CDK14: variants seen among roughly 807,000 people sequenced by gnomAD.
CDK14 encodes the protein cyclin dependent kinase 14.
CDK14 carries 34 observed loss-of-function variants against 60.7 expected under a neutral mutation model. The observed-to-expected ratio is 0.56, with a 90% CI of 0.43 to 0.75. CDK14 has a LOEUF of 0.75. CDK14 is among the 30% of genes least tolerant of loss of function. CDK14 has a pLI of 0.00. For missense variants in CDK14, 482 were observed against 564.1 expected (o/e 0.85, Z 1.47); for synonymous variants, 197 against 203.7 (o/e 0.97, Z 0.28).
At chr7:90,648,923 G>C (rs1488919686) in intron 2 of CDK14, among the ~76,000 whole-genome samples, 1 of 152,142 alleles carries the variant, frequency 6.6e-6, no homozygotes, top group Non-Finnish European at 1.5e-5. Flanking sequence ...TGAGGGTTAG[G>C]TTCTTGGAAA....
chr7:90,732,190 C>T (rs533045846), intron 3 of CDK14, among the ~76,000 whole-genome samples: 8 of 152,058 alleles, frequency 5.3e-5, no homozygotes, highest in Non-Finnish European at 8.8e-5. Context: ...GGGATGAAGC[C>T]GACTTGATCA....
intron 10 of CDK14, among the ~76,000 whole-genome samples, chr7:91,002,217 T>A (rs949319609): frequency 3.3e-5 from 5 of 152,116 alleles, no homozygotes; most frequent in African/African-American, 1.2e-4. Flanking sequence ...CTCCTTAGAG[T>A]GTCTCCAAGA....
intron 2 of CDK14, among the ~76,000 whole-genome samples, chr7:90,622,838 T>G (rs554620015): frequency 1.3e-5 from 2 of 152,110 alleles, no homozygotes; most frequent in Non-Finnish European, 2.9e-5. Context: ...TACTGTCCCA[T>G]CTTATCTCAG....
chr7:90,636,082 A>T (rs1360292601), intron 2 of CDK14, among the ~76,000 whole-genome samples: 3 of 149,984 alleles, frequency 2.0e-5, no homozygotes, highest in African/African-American at 7.5e-5. Context: ...ATCTGCAAAC[A>T]GGGACAATTT....
chr7:91,021,077 A>G lies in CDK14; in HGVS notation c.1042-24820A>G, dbSNP rs141019925. On this transcript the variant is annotated intron_variant, in intron 10 of 14. Coordinates refer to ENST00000380050, the MANE Select transcript of CDK14 (RefSeq NM_001287135.2). ...CACGGCAACTTGCTCCTTCAAAGCC[A>G]GTAAAAGATTTTCTCTCTCTAGTCT... Among the ~76,000 whole-genome samples, 828 of 152,354 alleles carry G rather than the reference A, an allele frequency of 5.4e-3. 5 individuals carry two copies. The highest frequency in any genetic ancestry group is 9.7e-3 in the Non-Finnish European group (661 of 68,028).
intron 14 of CDK14, among the ~76,000 whole-genome samples, chr7:91,206,488 C>T (rs17259383): frequency 1.3e-5 from 2 of 152,272 alleles, no homozygotes; most frequent in East Asian, 3.9e-4. Context: ...ATCCTGGAGA[C>T]TCAATGAAAA....
intron 10 of CDK14, among the ~76,000 whole-genome samples, chr7:91,015,403 C>T (rs1422403110): frequency 6.6e-6 from 1 of 152,036 alleles, no homozygotes; most frequent in Non-Finnish European, 1.5e-5. Context: ...ATTGTACTTA[C>T]CCTATATGCC....
chr7:90,876,910 G>C (rs1707709932), intron 6 of CDK14, among the ~76,000 whole-genome samples: 1 of 152,128 alleles, frequency 6.6e-6, no homozygotes, highest in African/African-American at 2.4e-5. Context: ...TGGGAGTGAA[G>C]GTATTTTAAT....
At chr7:90,996,342 G>A (rs1795680845) in intron 10 of CDK14, among the ~76,000 whole-genome samples, 1 of 152,076 alleles carries the variant, frequency 6.6e-6, no homozygotes, top group Non-Finnish European at 1.5e-5. Flanking sequence ...TAATCTTTTA[G>A]TGAGGCATGA....
intron 2 of CDK14, among the ~76,000 whole-genome samples, chr7:90,670,593 A>C (rs1040908926): frequency 1.4e-4 from 21 of 152,156 alleles, no homozygotes; most frequent in Admixed American, 1.2e-3. Flanking sequence ...ACTTTTATTC[A>C]TGGCAGAAGG....
chr7:91,027,122 C>G (rs1170675059), intron 10 of CDK14, among the ~76,000 whole-genome samples: 1 of 152,150 alleles, frequency 6.6e-6, no homozygotes, highest in African/African-American at 2.4e-5. Context: ...TCATGTATAA[C>G]CCACAATACG....
At chr7:90,687,205 G>C (rs183652982) in intron 2 of CDK14, among the ~76,000 whole-genome samples, 153 of 152,236 alleles carry the variant, frequency 1.0e-3, no homozygotes, top group African/African-American at 3.4e-3. Context: ...ATGTAAACAT[G>C]AGAAGTAGGG....
At chr7:90,874,401 C>T (rs943013106) in intron 6 of CDK14, among the ~76,000 whole-genome samples, 27 of 146,588 alleles carry the variant, frequency 1.8e-4, no homozygotes, top group Non-Finnish European at 3.6e-4. Context: ...CTCTTTATTT[C>T]TAGTGTCCTG....
At chr7:91,059,796 A>G (rs1301578380) in intron 11 of CDK14, among the ~76,000 whole-genome samples, 1 of 152,196 alleles carries the variant, frequency 6.6e-6, no homozygotes, top group Non-Finnish European at 1.5e-5. Flanking sequence ...CTGTTCTTTT[A>G]CATTTGCTGA....
intron 14 of CDK14, among the ~76,000 whole-genome samples, chr7:91,142,111 C>G (rs1426981950): frequency 1.3e-5 from 2 of 152,164 alleles, no homozygotes; most frequent in African/African-American, 2.4e-5. Flanking sequence ...AGGCATGAAC[C>G]ACCATGCCCG....
chr7:91,026,639 A>G (rs549487564), intron 10 of CDK14, among the ~76,000 whole-genome samples: 51 of 152,224 alleles, frequency 3.4e-4, no homozygotes, highest in Non-Finnish European at 5.3e-4. Flanking sequence ...TCCAGAGACC[A>G]TCGTCTCTCC....
chr7:90,767,263 C>T (rs2116879801), intron 4 of CDK14, among the ~76,000 whole-genome samples: 1 of 152,320 alleles, frequency 6.6e-6, no homozygotes, highest in South Asian at 2.1e-4. Context: ...GCCTGGATGT[C>T]TGCCTTGGCC....
At chr7:90,785,450 C>T (rs889802548) in intron 4 of CDK14, among the ~76,000 whole-genome samples, 2 of 152,028 alleles carry the variant, frequency 1.3e-5, no homozygotes, top group Non-Finnish European at 1.5e-5. Flanking sequence ...GGGGAGTTTT[C>T]CTTTATTGTT....
At chr7:90,802,895 G>A (rs1466568416) in intron 5 of CDK14, among the ~76,000 whole-genome samples, 1 of 152,074 alleles carries the variant, frequency 6.6e-6, no homozygotes, top group Admixed American at 6.6e-5. Context: ...AAATAATATA[G>A]TTATTTGAAT....
Sources: allele counts gnomAD v4.1 joint callset (sites outside exome capture counted in the v4.1 genomes callset), GRCh38; gene constraint gnomAD v4.1.1; transcripts MANE v1.5; gene names NCBI Gene and HGNC (gene_info 2026-07-23, HGNC 2026-07-21).